PLEKHH1: variants seen among roughly 807,000 people sequenced by gnomAD.
PLEKHH1 encodes pleckstrin homology domain-containing family H member 1.
In PLEKHH1, 104 loss-of-function variants were observed where a neutral mutation model predicts 160.0. The observed-to-expected ratio is 0.65, with a 90% confidence interval of 0.55 to 0.76. PLEKHH1 has a LOEUF of 0.76. Among genes scored for constraint, PLEKHH1 ranks in the 30% least tolerant of loss-of-function variants. The pLI is 0.00. For synonymous variants in PLEKHH1, 619 were observed against 678.4 expected (o/e 0.91, Z 1.36); for missense variants, 1,427 against 1,724.1 (o/e 0.83, Z 3.05).
At position 67,562,360 on chromosome 14, in the gene PLEKHH1, G is replaced by A. The variant is rs199980512; in HGVS notation, c.729G>A (p.Thr243=). The change falls in exon 7 of 29, where the codon ACG becomes ACA. Residue 243 remains threonine, a synonymous_variant. Coordinates refer to ENST00000329153, the MANE Select transcript of PLEKHH1 (RefSeq NM_020715.3). ...ASPLEDSSSS[T]VHSGETVEAK... is the part of the protein sequence containing the mutation. Reference sequence around the variant, plus strand: ...CCTTGGAGGATTCTAGTTCCAGCACGGTCCATTCTGGGGAAACAGTAGAGG... The same window carrying A: ...CCTTGGAGGATTCTAGTTCCAGCACAGTCCATTCTGGGGAAACAGTAGAGG... 276 of 1,613,688 alleles carry A rather than the reference G, an allele frequency of 1.7e-4. No individual in the cohort carries two copies. The highest frequency in any genetic ancestry group is 1.1e-3 in the African/African-American group (83 of 75,036).
At chr14:67,534,683 C>G (rs2033628605) in intron 1 of PLEKHH1, among the ~76,000 whole-genome samples, 1 of 152,038 alleles carries the variant, frequency 6.6e-6, no homozygotes, top group South Asian at 2.1e-4. Context: ...CCTGTGGCCC[C>G]AAACTCATTG....
intron 22 of PLEKHH1, 188 bp downstream of exon 22, chr14:67,580,064 G>A: frequency 3.4e-6 from 2 of 584,148 alleles, no homozygotes; most frequent in East Asian, 2.9e-5. Context: ...AAGCTGTTGT[G>A]TGCCCTTGTC....
intron 2 of PLEKHH1, among the ~76,000 whole-genome samples, chr14:67,555,206 C>T (rs372029913): frequency 6.6e-6 from 1 of 152,248 alleles, no homozygotes; most frequent in South Asian, 2.1e-4. Context: ...GCATGAGCCA[C>T]TGTGACCAGC....
chr14:67,555,423 C>T (rs1461862355), intron 2 of PLEKHH1, among the ~76,000 whole-genome samples: 1 of 152,148 alleles, frequency 6.6e-6, no homozygotes, highest in Admixed American at 6.6e-5. Context: ...AGGGTGGGCC[C>T]TATGGGAGCA....
At chr14:67,564,805 C>T (rs188006400) in intron 7 of PLEKHH1, among the ~76,000 whole-genome samples, 177 of 151,956 alleles carry the variant, frequency 1.2e-3, no homozygotes, top group African/African-American at 4.1e-3. Context: ...TCTCCCACCT[C>T]AGCCTCCCGA....
intron 27 of PLEKHH1, 95 bp from the exon 28 acceptor site, chr14:67,585,856 T>A (rs1315809799): frequency 4.5e-6 from 6 of 1,338,226 alleles, no homozygotes; most frequent in Non-Finnish European, 6.2e-6. Context: ...TTGGGAGTTC[T>A]CCTTTCCTGT....
In PLEKHH1 at chr14:67,562,292, G is replaced by C. The variant is rs756445213; in HGVS notation, c.661G>C (p.Gly221Arg). The C allele has an allele frequency of 1.9e-6, 3 of 1,613,762 alleles. No homozygotes were observed. In the Admixed American group the frequency reaches 5.0e-5, roughly 27 times the overall value. The stretch of plus-strand genomic sequence containing the variant: ...GGCAGCTGTGCTTGCACCTTCCCCA[G>C]GTGCCCTGCAGAGCAAGGACTCTGT... ...LKAAVLAPSP[G>R]ALQSKDSVSE... The change falls in exon 7 of 29, where the codon GGT (glycine) becomes CGT (arginine). Residue 221 changes from glycine to arginine, a missense_variant. By Grantham distance (125) the Gly-to-Arg change is moderately radical. Around this residue, in one of 6 missense-constraint regions of PLEKHH1, gnomAD observed 831 missense variants for 929.2 expected, o/e 0.89. Transcript: ENST00000329153.
intron 2 of PLEKHH1, among the ~76,000 whole-genome samples, chr14:67,551,238 G>C (rs7142719): frequency 0.068 from 10,304 of 152,284 alleles, 403 homozygotes; most frequent in Non-Finnish European, 0.094. Flanking sequence ...TGGAGAGAAA[G>C]TGAAAGGAGG....
rs1357180186 is a variant in PLEKHH1 at position 67,571,784 on chromosome 14, GGAC to G, written c.1470_1472del (p.Asp490del). On this transcript the variant is annotated inframe_deletion, in exon 10 of 29. Transcript: ENST00000329153. The stretch of plus-strand genomic sequence containing the variant: ...CACAGATCAGCAACATGCCCTTTAT[GGAC>G]GAGTCCTCTGGGTCTGACGATGACT... 6.2e-6 allele frequency: 10 copies of G among 1,613,816 alleles called. No homozygotes were observed. The highest frequency in any genetic ancestry group is 3.3e-5 in the Admixed American group (2 of 59,992).
chr14:67,540,088 A>G (rs766684732), intron 1 of PLEKHH1, among the ~76,000 whole-genome samples: 4 of 152,184 alleles, frequency 2.6e-5, no homozygotes, highest in Non-Finnish European at 4.4e-5. Context: ...AGGAAGGAAA[A>G]GGGGATTTTG....
chr14:67,550,479 G>C (rs568129504), intron 2 of PLEKHH1, among the ~76,000 whole-genome samples: 1 of 152,192 alleles, frequency 6.6e-6, no homozygotes, highest in Non-Finnish European at 1.5e-5. Flanking sequence ...GTGCACCACC[G>C]CGCCCAGCCA....
At position 67,533,417 on chromosome 14, in the gene PLEKHH1, C is replaced by A. The variant is rs1357472513; in HGVS notation, c.-35+19C>A. ...GCTGGAGGTGAGCGACCCGCGCTCC[C>A]GCCGCTGTGGTGGGCTGGGGCTGCG... is the stretch of plus-strand genomic sequence containing the variant. On this transcript the variant is annotated intron_variant, in intron 1 of 28. Transcript: ENST00000329153. The A allele has an allele frequency of 4.0e-5, 6 of 151,786 alleles. No homozygotes were observed. Among genetic ancestry groups the A allele is most frequent in the African/African-American group, 1.4e-4 (6 of 41,382 alleles). The allele number at this position is 151,786 out of a possible 1,614,324, so 9.4% of individuals were successfully genotyped here. A position where few individuals can be genotyped will look rare whatever the true frequency, so the allele number is the denominator to read the frequency against.
chr14:67,555,021 G>A lies in PLEKHH1; in HGVS notation c.127-804G>A, dbSNP rs183457369. 4.3e-3 allele frequency among the ~76,000 whole-genome samples: 658 copies of A among 152,092 alleles called. 4 individuals carry two copies. Among genetic ancestry groups the A allele is most frequent in the Admixed American group, 0.023 (352 of 15,274 alleles). On this transcript the variant is annotated intron_variant, in intron 2 of 28. Coordinates refer to ENST00000329153, the MANE Select transcript of PLEKHH1 (RefSeq NM_020715.3). ...TCAACCTCCCAGGCTCAAGTGATCC[G>A]CCTGCCTCAGCCTCCTGAGTAGCTG...
Position 67,576,064 on chromosome 14 carries a change from T to C in PLEKHH1, c.2352+59T>C. 7.5e-7 allele frequency: 1 copy of C among 1,330,206 alleles called. No individual in the cohort carries two copies. The highest frequency in any genetic ancestry group is 1.4e-5 in the South Asian group (1 of 73,624). The allele number at this position is 1,330,206 out of a possible 1,614,324, so 82.4% of individuals were successfully genotyped here. ...TTGGACCTGTGATTCTGATCTTCCC[T>C]TCTCTCTTTCTCCTGAGCTTCCCAA... On this transcript the variant is annotated intron_variant, in intron 16 of 28. Coordinates refer to ENST00000329153, the MANE Select transcript of PLEKHH1 (RefSeq NM_020715.3). The surrounding 1 kb of genome is among the most constrained non-coding windows in gnomAD (Gnocchi z 4.0).
Position 67,587,156 on chromosome 14 carries a change from C to T in PLEKHH1, c.4016C>T (p.Ala1339Val), listed in dbSNP as rs779343492. 5.6e-6 allele frequency: 9 copies of T among 1,613,984 alleles called. No individual in the cohort carries two copies. In the Middle Eastern group the frequency reaches 6.6e-4, roughly 118 times the overall value. The change falls in exon 29 of 29, where the codon GCC becomes GTC. Residue 1339 changes from alanine (A) to valine (V), a missense_variant. This residue lies in a region of PLEKHH1 where 96 missense variants were observed against 97.6 expected (regional missense o/e 0.98). Transcript: ENST00000329153. Reference sequence around the variant, plus strand: ...AACCCCCCCACCAACCCACCCGGAGCCTGCCAGCTGTGGGAACTGGATGGA... The same window carrying T: ...AACCCCCCCACCAACCCACCCGGAGTCTGCCAGCTGTGGGAACTGGATGGA... ...TVNPPTNPPG[A>V]CQLWELDGRQ... is the part of the protein sequence containing the mutation.
intron 2 of PLEKHH1, among the ~76,000 whole-genome samples, chr14:67,543,855 T>A (rs1314590836): frequency 1.3e-5 from 2 of 151,982 alleles, no homozygotes; most frequent in African/African-American, 4.8e-5. Context: ...AATGCAGAGC[T>A]GAGCACAGAA....
intron 2 of PLEKHH1, among the ~76,000 whole-genome samples, chr14:67,554,429 G>C (rs2034515018): frequency 6.6e-6 from 1 of 152,166 alleles, no homozygotes; most frequent in Non-Finnish European, 1.5e-5. Context: ...GGGGCACTGG[G>C]CCTGTCCAGC....
intron 28 of PLEKHH1, chr14:67,586,332 T>C: frequency 7.2e-7 from 1 of 1,386,696 alleles, no homozygotes. Flanking sequence ...CTAGCTACTA[T>C]TATGCTCTTC....
At chr14:67,581,807 G>C in intron 23 of PLEKHH1, 1 of 415,968 alleles carries the variant, frequency 2.4e-6, no homozygotes, top group Non-Finnish European at 4.4e-6. Flanking sequence ...CCAGGTACCA[G>C]ATTTCCCTTA....
Sources: gnomAD v4.1 joint callset for allele counts (sites outside exome capture counted in the v4.1 genomes callset) on GRCh38, gnomAD v4.1.1 for gene constraint, gnomAD v4.1.1 regional missense constraint, Gnocchi (gnomAD v3.1) non-coding constraint, MANE v1.5 for transcripts, NCBI Gene and HGNC (gene_info 2026-07-23, HGNC 2026-07-21) for gene names.